ZNG1E: variants seen among roughly 807,000 people sequenced by gnomAD.
The protein encoded by ZNG1E is zinc-regulated GTPase metalloprotein activator 1E.
chr9:65,684,380 T>C, the ZNG1E span, among the ~76,000 whole-genome samples: 4 of 149,912 alleles, frequency 2.7e-5, no homozygotes, highest in African/African-American at 9.7e-5. Flanking sequence ...CTACTGAAAA[T>C]TCAAAAACTA....
At chr9:65,716,592 TA>T in the ZNG1E span, among the ~76,000 whole-genome samples, 2 of 149,822 alleles carry the variant, frequency 1.3e-5, no homozygotes, top group African/African-American at 4.9e-5. Flanking sequence ...ACCTGTGAGG[TA>T]GGACATGATA....
chr9:65,714,184 C>T, the ZNG1E span, among the ~76,000 whole-genome samples: 2 of 148,204 alleles, frequency 1.3e-5, no homozygotes, highest in East Asian at 1.9e-4. Flanking sequence ...ACGTAGTTCT[C>T]GAGCCTTGGT....
the ZNG1E span, among the ~76,000 whole-genome samples, chr9:65,726,467 T>A: frequency 1.4e-5 from 1 of 69,166 alleles, no homozygotes; most frequent in Non-Finnish European, 3.1e-5. Context: ...CAGAGAAAGG[T>A]GAAGCCCAAT....
At chr9:65,708,076 G>A in the ZNG1E span, 3 of 149,036 alleles carry the variant, frequency 2.0e-5, no homozygotes, top group East Asian at 2.0e-4. Context: ...TCCATGGCCA[G>A]GATGGTCTTG....
the ZNG1E span, among the ~76,000 whole-genome samples, chr9:65,680,089 TAA>T: frequency 6.6e-6 from 1 of 150,608 alleles, no homozygotes; most frequent in Non-Finnish European, 1.5e-5. Context: ...TAAACTGTAG[TAA>T]AAAAAAATAG....
the ZNG1E span, among the ~76,000 whole-genome samples, chr9:65,711,107 C>G: frequency 1.1e-5 from 1 of 92,328 alleles, no homozygotes; most frequent in African/African-American, 4.4e-5. Flanking sequence ...ATTTTATTCT[C>G]TTTGAAGCAA....
At chr9:65,714,678 C>T in the ZNG1E span, among the ~76,000 whole-genome samples, 2 of 152,022 alleles carry the variant, frequency 1.3e-5, no homozygotes, top group African/African-American at 4.8e-5. Flanking sequence ...TAGGGGGTGC[C>T]TCCCAGTTAC....
the ZNG1E span, among the ~76,000 whole-genome samples, chr9:65,658,116 A>AAAC: frequency 7.7e-6 from 1 of 129,246 alleles, no homozygotes; most frequent in African/African-American, 2.9e-5. Context: ...AAAAAAAAAA[A>AAAC]CTTATGTTCC....
At chr9:65,710,673 G>T in the ZNG1E span, among the ~76,000 whole-genome samples, 15 of 148,878 alleles carry the variant, frequency 1.0e-4, no homozygotes, top group Middle Eastern at 3.4e-3. Context: ...GTAGATATGC[G>T]GCGTTATTTC....
the ZNG1E span, among the ~76,000 whole-genome samples, chr9:65,671,344 TTTTTA>T: frequency 4.6e-5 from 7 of 151,768 alleles, no homozygotes; most frequent in Admixed American, 4.6e-4. Context: ...TCAGATTACT[TTTTTA>T]TTTTTTTGTC....
the ZNG1E span, among the ~76,000 whole-genome samples, chr9:65,687,992 C>T: frequency 6.6e-6 from 1 of 151,082 alleles, no homozygotes; most frequent in East Asian, 1.9e-4. Flanking sequence ...AGATCCTCTA[C>T]TTCATGACAC....
chr9:65,677,642 G>A, the ZNG1E span, among the ~76,000 whole-genome samples: 1 of 152,120 alleles, frequency 6.6e-6, no homozygotes, highest in African/African-American at 2.4e-5. Context: ...TAGCCTTAAT[G>A]ATCTTTATAA....
chr9:65,711,034 G>A, the ZNG1E span, among the ~76,000 whole-genome samples: 1 of 142,978 alleles, frequency 7.0e-6, no homozygotes, highest in Non-Finnish European at 1.5e-5. Context: ...ATTTCCTTGA[G>A]AAGTGGTTTG....
chr9:65,699,061 A>T, the ZNG1E span, among the ~76,000 whole-genome samples: 1 of 147,998 alleles, frequency 6.8e-6, no homozygotes, highest in South Asian at 2.1e-4. Context: ...TAATTTTTGC[A>T]TTTTTTTATT....
the ZNG1E span, among the ~76,000 whole-genome samples, chr9:65,665,339 T>C: frequency 2.0e-5 from 3 of 152,254 alleles, no homozygotes; most frequent in African/African-American, 7.2e-5. Flanking sequence ...CAGCCATGAA[T>C]GAAAGGAGCC....
the ZNG1E span, among the ~76,000 whole-genome samples, chr9:65,658,878 T>C: frequency 2.1e-4 from 32 of 151,138 alleles, no homozygotes; most frequent in East Asian, 4.8e-3. Flanking sequence ...TCTCCTCTTC[T>C]TAAAGGGACA....
chr9:65,672,489 TA>T, the ZNG1E span, among the ~76,000 whole-genome samples: 1 of 150,538 alleles, frequency 6.6e-6, no homozygotes, highest in African/African-American at 2.4e-5. Context: ...CTCACGCCTG[TA>T]ATCCCAGCTC....
chr9:65,695,917 G>A, the ZNG1E span, among the ~76,000 whole-genome samples: 3 of 151,652 alleles, frequency 2.0e-5, no homozygotes, highest in South Asian at 4.2e-4. Flanking sequence ...GGACATCTAT[G>A]TAATATAAAA....
At chr9:65,708,524 A>G in the ZNG1E span, 1 of 256,014 alleles carries the variant, frequency 3.9e-6, no homozygotes, top group Non-Finnish European at 7.4e-6. Flanking sequence ...AAAGAAATAC[A>G]AAAATTGCAG....
Sources: allele counts gnomAD v4.1 joint callset (sites outside exome capture counted in the v4.1 genomes callset), GRCh38; gene constraint gnomAD v4.1.1; transcripts MANE v1.5; gene names NCBI Gene and HGNC (gene_info 2026-07-23, HGNC 2026-07-21).